RPA1: variants seen among roughly 807,000 people sequenced by gnomAD.
RPA1 encodes the protein replication protein A 70 kDa DNA-binding subunit.
A neutral mutation model predicts 83.0 loss-of-function variants in RPA1; 49 were observed. The ratio of observed to expected loss-of-function variants is 0.59; its 90% CI spans 0.47 to 0.75. The LOEUF (loss-of-function observed/expected upper bound fraction) is 0.75. RPA1 is among the 30% of genes least tolerant of loss of function. RPA1 has a pLI of 0.00. For synonymous variants in RPA1, 279 were observed against 281.8 expected, an observed-to-expected ratio of 0.99 and a Z score of 0.10; for missense variants, 693 against 776.1, an observed-to-expected ratio of 0.89 and a Z score of 1.27.
intron 1 of RPA1, among the ~76,000 whole-genome samples, chr17:1,839,659 A>G (rs898987111): frequency 7.4e-5 from 11 of 148,188 alleles, no homozygotes; most frequent in Non-Finnish European, 1.5e-4. Context: ...TTGAGACAGG[A>G]TCTCACTTAG....
At chr17:1,855,876 A>T (rs944055535) in intron 5 of RPA1, among the ~76,000 whole-genome samples, 2 of 151,688 alleles carry the variant, frequency 1.3e-5, no homozygotes, top group African/African-American at 4.9e-5. Flanking sequence ...TAATAGAGAG[A>T]TACAGGGTTA....
intron 4 of RPA1, among the ~76,000 whole-genome samples, chr17:1,851,850 G>A (rs543831363): frequency 6.6e-6 from 1 of 152,300 alleles, no homozygotes; most frequent in South Asian, 2.1e-4. Flanking sequence ...AACCTGATAA[G>A]GGTAGCACAC....
chr17:1,894,009 C>T (rs971405990), intron 15 of RPA1, among the ~76,000 whole-genome samples: 10 of 150,554 alleles, frequency 6.6e-5, no homozygotes, highest in South Asian at 2.1e-4. Flanking sequence ...TACTGGTACA[C>T]GCCACCATAC....
At chr17:1,896,979 C>T (rs985767640) in intron 16 of RPA1, 92 bp from the exon 17 acceptor site, 3 of 1,031,600 alleles carry the variant, frequency 2.9e-6, no homozygotes, top group South Asian at 1.4e-5. Flanking sequence ...TGTTCCCTCC[C>T]GCTGGGCTCA....
At chr17:1,838,269 C>T (rs533064212) in intron 1 of RPA1, among the ~76,000 whole-genome samples, 401 of 150,976 alleles carry the variant, frequency 2.7e-3, no homozygotes, top group Non-Finnish European at 4.7e-3. Context: ...CCAGCCTGGG[C>T]AACAGAGCAA....
intron 1 of RPA1, among the ~76,000 whole-genome samples, chr17:1,836,923 T>A (rs1454750167): frequency 6.6e-6 from 1 of 151,562 alleles, no homozygotes; most frequent in Non-Finnish European, 1.5e-5. Flanking sequence ...CTGCAACCTC[T>A]GCCTCCTGGG....
At chr17:1,848,206 T>C (rs1912334880) in intron 4 of RPA1, among the ~76,000 whole-genome samples, 1 of 152,204 alleles carries the variant, frequency 6.6e-6, no homozygotes, top group Non-Finnish European at 1.5e-5. Context: ...TTATCCACTC[T>C]GGAAGGGTGA....
chr17:1,882,931 T>A (rs1913850899), intron 12 of RPA1, among the ~76,000 whole-genome samples: 1 of 152,232 alleles, frequency 6.6e-6, no homozygotes, highest in African/African-American at 2.4e-5. Context: ...AAGGCTAGTT[T>A]AAGAAAAGAT....
chr17:1,843,873 G>A, intron 2 of RPA1, 47 bp from the exon 3 acceptor site: 2 of 1,535,728 alleles, frequency 1.3e-6, no homozygotes, highest in Non-Finnish European at 1.8e-6. Context: ...CGTATCCCTG[G>A]GGACGGGGCA....
chr17:1,867,826 C>T (rs886774477), intron 5 of RPA1, among the ~76,000 whole-genome samples: 6 of 152,084 alleles, frequency 3.9e-5, no homozygotes, highest in Admixed American at 6.6e-5. Context: ...CACCTGTAAT[C>T]GCAGCACTTT....
At chr17:1,896,884 A>C (rs1914452114) in intron 16 of RPA1, among the ~76,000 whole-genome samples, 187 bp from the exon 17 acceptor site, 1 of 152,154 alleles carries the variant, frequency 6.6e-6, no homozygotes, top group Non-Finnish European at 1.5e-5. Context: ...TGTGCTGGAG[A>C]AAGGACCTGT....
intron 4 of RPA1, among the ~76,000 whole-genome samples, chr17:1,851,383 G>A (rs1240486120): frequency 6.6e-6 from 1 of 152,114 alleles, no homozygotes; most frequent in African/African-American, 2.4e-5. Context: ...TAGGCTCTGC[G>A]TCTGCCTTTT....
At chr17:1,837,365 A>C (rs1911865946) in intron 1 of RPA1, among the ~76,000 whole-genome samples, 1 of 152,118 alleles carries the variant, frequency 6.6e-6, no homozygotes, top group East Asian at 1.9e-4. Context: ...AAATTTGTTT[A>C]TTTACTTATT....
chr17:1,877,884 A>G (rs1277719889), intron 8 of RPA1, among the ~76,000 whole-genome samples: 2 of 152,238 alleles, frequency 1.3e-5, no homozygotes, highest in Admixed American at 6.5e-5. Context: ...TTCCTATGCC[A>G]TGGAAGTACG....
At chr17:1,864,804 G>T (rs963670007) in intron 5 of RPA1, among the ~76,000 whole-genome samples, 20 of 152,178 alleles carry the variant, frequency 1.3e-4, no homozygotes, top group African/African-American at 4.8e-4. Flanking sequence ...GGAGGCTGAG[G>T]CAGGAGAATC....
chr17:1,861,066 C>G (rs1912942546), intron 5 of RPA1, among the ~76,000 whole-genome samples: 1 of 152,162 alleles, frequency 6.6e-6, no homozygotes, highest in African/African-American at 2.4e-5. Context: ...GCTGTAAACA[C>G]AGGCATGGTT....
intron 6 of RPA1, among the ~76,000 whole-genome samples, chr17:1,873,120 G>A (rs1256161979): frequency 6.6e-6 from 1 of 152,150 alleles, no homozygotes; most frequent in Non-Finnish European, 1.5e-5. Flanking sequence ...TTCCTTTTAA[G>A]TTCTTGCCTT....
rs150005142 is a variant in RPA1 at position 1,888,336 on chromosome 17, G to A, written c.1375-339G>A. Among the ~76,000 whole-genome samples, 10 of 152,314 alleles carry A rather than the reference G, an allele frequency of 6.6e-5. No homozygotes were observed. In the East Asian group the frequency reaches 1.9e-3, roughly 29 times the overall value. On this transcript the variant is annotated intron_variant, in intron 13 of 16. Transcript: ENST00000254719. ...CTTTGGAGGGTCAGAGGATCGGGAG[G>A]AACAAATCTTTGTCTTTCATACAGT...
chr17:1,886,175 G>A (rs1347639761), intron 13 of RPA1, among the ~76,000 whole-genome samples: 1 of 152,222 alleles, frequency 6.6e-6, no homozygotes, highest in African/African-American at 2.4e-5. Context: ...CAGGTGCATT[G>A]TCAATGAGCA....
Sources: gnomAD v4.1 joint callset for allele counts (sites outside exome capture counted in the v4.1 genomes callset) on GRCh38, gnomAD v4.1.1 for gene constraint, MANE v1.5 for transcripts, NCBI Gene and HGNC (gene_info 2026-07-23, HGNC 2026-07-21) for gene names.